The following MARCHF9 variants were observed in gnomAD, a reference collection of about 807,000 sequenced individuals.
MARCHF9 encodes the protein E3 ubiquitin-protein ligase MARCHF9.
MARCHF9 carries 17 observed loss-of-function variants against 35.2 expected under a neutral mutation model. The ratio of observed to expected loss-of-function variants is 0.48; its 90% CI spans 0.33 to 0.72. The LOEUF is 0.72. Among genes scored for constraint, MARCHF9 ranks in the 30% least tolerant of loss-of-function variants. The pLI is 0.02. For missense variants in MARCHF9, 386 were observed against 478.2 expected (o/e 0.81, Z 1.80); for synonymous variants, 183 against 207.4 (o/e 0.88, Z 1.01).
At chr12:57,756,884 CG>C in intron 1 of MARCHF9, 44 bp from the exon 2 acceptor site, 1 of 1,436,782 alleles carries the variant, frequency 7.0e-7, no homozygotes, top group Non-Finnish European at 9.2e-7. Context: ...TGAGTGGGGT[CG>C]GGGTGGTGAT....
In MARCHF9 at chr12:57,755,708, G is replaced by A. The variant is rs1955281911; in HGVS notation, c.180G>A (p.Gly60=). ...ACGGCGACGAGGAGGAGTACTACGG[G>A]TCGGAGCCGCGGGCCCGGGGCCTGG... ...DGDGDEEEYY[G]SEPRARGLAG... The change falls in exon 1 of 4, where the codon GGG becomes GGA. Residue 60 remains glycine, a synonymous_variant. Coordinates refer to ENST00000266643, the MANE Select transcript of MARCHF9 (RefSeq NM_138396.6). 1.6e-6 allele frequency: 2 copies of A among 1,237,390 alleles called. No homozygotes were observed. Among genetic ancestry groups the A allele is most frequent in the Admixed American group, 4.3e-5 (1 of 23,078 alleles). 76.7% of individuals were successfully genotyped at this position (1,237,390 alleles called of 1,614,324 possible).
Position 57,755,465 on chromosome 12 carries a change from T to TGC in MARCHF9, c.-64_-63insGC. The stretch of plus-strand genomic sequence containing the variant: ...GCGCCCCCTTCCCGGCCTTGTCCTC[T>TGC]CCCCTCCCCCCGCCGCTAGCGAGCC... On this transcript the variant is annotated 5_prime_UTR_variant, in exon 1 of 4. Coordinates refer to ENST00000266643, the MANE Select transcript of MARCHF9 (RefSeq NM_138396.6). 2 of 564,112 alleles carry TGC rather than the reference T, an allele frequency of 3.5e-6. No individual in the cohort carries two copies. Among genetic ancestry groups the TGC allele is most frequent in the Non-Finnish European group, 2.5e-6 (1 of 404,360 alleles). The allele number at this position is 564,112 out of a possible 1,614,324, so 34.9% of individuals were successfully genotyped here.
intron 2 of MARCHF9, 184 bp downstream of exon 2, chr12:57,757,268 A>C (rs1014088187): frequency 1.8e-5 from 10 of 547,772 alleles, no homozygotes; most frequent in East Asian, 1.8e-4. Context: ...AGAGATATTT[A>C]TTGGGTGCCA....
chr12:57,755,989 C>T, intron 1 of MARCHF9, 104 bp downstream of exon 1: 1 of 816,608 alleles, frequency 1.2e-6, no homozygotes, highest in South Asian at 2.6e-5. Context: ...TGGGCGGGCC[C>T]CAGGACACGG....
chr12:57,756,516 C>T (rs1187547645), intron 1 of MARCHF9, among the ~76,000 whole-genome samples: 2 of 152,020 alleles, frequency 1.3e-5, no homozygotes, highest in African/African-American at 4.8e-5. Context: ...TCCCAGTTTG[C>T]GCCAGATCTG....
chr12:57,756,195 T>C (rs1040233757), intron 1 of MARCHF9, among the ~76,000 whole-genome samples: 1 of 152,182 alleles, frequency 6.6e-6, no homozygotes, highest in African/African-American at 2.4e-5. Context: ...GGGGACCTGT[T>C]CTCTTGCAGG....
chr12:57,755,575 TG>T lies in MARCHF9; in HGVS notation c.49del (p.Val17CysfsTer2). ...ATGTTTCTGAACGAGCTGAAGCTGC[TG>T]GTGCTGACAGGCGGGGGGCGGCCCC... ...LRMFLNELKL[L>X]VLTGGGRPRA... is the part of the protein sequence containing the mutation. On this transcript the variant is annotated frameshift_variant, in exon 1 of 4. Transcript: ENST00000266643. LOFTEE classifies it high-confidence loss of function. 1 of 1,373,086 alleles carries T rather than the reference TG, an allele frequency of 7.3e-7. No individual in the cohort carries two copies. The highest frequency in any genetic ancestry group is 1.5e-5 in the South Asian group (1 of 68,458). The allele number at this position is 1,373,086 out of a possible 1,614,324, so 85.1% of individuals were successfully genotyped here.
In MARCHF9 at chr12:57,758,608, G is replaced by A. The variant is rs1159092917; in HGVS notation, c.752G>A (p.Arg251His). ...TCCTCTGTCTACCGCATCTTCAAGC[G>A]CTGGCAGGCAGTGAACCAGCAGTGG... is the stretch of plus-strand genomic sequence containing the variant. ...EGSSVYRIFK[R>H]WQAVNQQWKV... The change falls in exon 4 of 4, where the codon CGC (arginine) becomes CAC (histidine). Residue 251 changes from arginine to histidine, a missense_variant. This residue lies in a region of MARCHF9 where 219 missense variants were observed against 316.2 expected (regional missense o/e 0.69). Coordinates refer to ENST00000266643, the MANE Select transcript of MARCHF9 (RefSeq NM_138396.6). This position sits in a 1 kb window ranked among gnomAD's most constrained non-coding sequence, Gnocchi z 5.4. 5.0e-6 allele frequency: 8 copies of A among 1,613,712 alleles called. No individual in the cohort carries two copies. Among genetic ancestry groups the A allele is most frequent in the South Asian group, 2.2e-5 (2 of 91,050 alleles).
chr12:57,758,503 G>A lies in MARCHF9; in HGVS notation c.707-60G>A, dbSNP rs1451265766. 4.7e-6 allele frequency: 7 copies of A among 1,494,174 alleles called. No homozygotes were observed. Among genetic ancestry groups the A allele is most frequent in the Admixed American group, 2.2e-5 (1 of 45,010 alleles). The allele number at this position is 1,494,174 out of a possible 1,614,324, so 92.6% of individuals were successfully genotyped here. A position where few individuals can be genotyped will look rare whatever the true frequency, so the allele number is the denominator to read the frequency against. On this transcript the variant is annotated intron_variant, in intron 3 of 3. Transcript: ENST00000266643. This position sits in a 1 kb window ranked among gnomAD's most constrained non-coding sequence, Gnocchi z 5.4. ...TCACTCTGAAGAAATGCTTGCTTAAGTACCTCTGGCCTAGATCTAGGCCAC... is the reference window on the plus strand; with the variant it reads ...TCACTCTGAAGAAATGCTTGCTTAAATACCTCTGGCCTAGATCTAGGCCAC...
At position 57,758,057 on chromosome 12, in the gene MARCHF9, C is replaced by T; in HGVS notation, c.514-51C>T. On this transcript the variant is annotated intron_variant, in intron 2 of 3. Transcript: ENST00000266643. This position sits in a 1 kb window ranked among gnomAD's most constrained non-coding sequence, Gnocchi z 5.4. ...CCTGCTCTTCAGGGCCACCCATCAC[C>T]TGGCCCTCCATCCCTTTCTGGGACT... The T allele has an allele frequency of 6.3e-7, 1 of 1,599,554 alleles. No individual in the cohort carries two copies. The highest frequency in any genetic ancestry group is 1.3e-5 in the African/African-American group (1 of 74,770).
intron 1 of MARCHF9, 102 bp downstream of exon 1, chr12:57,755,987 C>A: frequency 1.2e-6 from 1 of 812,132 alleles, no homozygotes; most frequent in Non-Finnish European, 1.7e-6. Flanking sequence ...GCTGGGCGGG[C>A]CCCAGGACAC....
Position 57,758,896 on chromosome 12 carries a change from G to T in MARCHF9, c.1040G>T (p.Ter347LeuextTer9). 6.3e-7 allele frequency: 1 copy of T among 1,577,542 alleles called. No homozygotes were observed. The highest frequency in any genetic ancestry group is 1.1e-5 in the South Asian group (1 of 87,864). ...GTTGTCATGAGGGTCACTACAGTCT[G>T]AACTGGACTCCAGGAGCAGGGATCT... Reference protein sequence around the residue: ...REVVMRVTTV* With the variant: ...REVVMRVTTVL Residue 347 changes from the stop codon to leucine (L), a stop_lost, in exon 4 of 4, where the codon TGA (stop) becomes TTA (leucine). Transcript: ENST00000266643. The surrounding 1 kb of genome is among the most constrained non-coding windows in gnomAD (Gnocchi z 5.4).
rs750282098 is a variant in MARCHF9, at chr12:57,758,124, T to C, written c.530T>C (p.Leu177Pro). Residue 177 changes from leucine to proline, a missense_variant, in exon 3 of 4, where the codon CTG becomes CCG. Physicochemically the swap from Leu to Pro is moderately conservative, Grantham distance 98 (BLOSUM62 -3). Transcript: ENST00000266643. This position sits in a 1 kb window ranked among gnomAD's most constrained non-coding sequence, Gnocchi z 5.4. Reference sequence around the variant, plus strand: ...CCCACACAGTGGCAGGCCATCTCCCTGACGGTCATCGAGAAGGTCCAGATT... The same window carrying C: ...CCCACACAGTGGCAGGCCATCTCCCCGACGGTCATCGAGAAGGTCCAGATT... The part of the protein sequence containing the change: ...KNPLQWQAIS[L>P]TVIEKVQIAA... 3 of 1,614,212 alleles carry C rather than the reference T, an allele frequency of 1.9e-6. No individual in the cohort carries two copies.
chr12:57,758,303 G>A lies in MARCHF9; in HGVS notation c.706+3G>A, dbSNP rs1955299461. 1.2e-6 allele frequency: 2 copies of A among 1,604,870 alleles called. No individual in the cohort carries two copies. The highest frequency in any genetic ancestry group is 1.7e-6 in the Non-Finnish European group (2 of 1,172,662). The stretch of plus-strand genomic sequence containing the variant: ...CTTCATGGATGTCGTCTGCATAGGT[G>A]AGGGCACCTCTCTCTCCTTTACCTG... On this transcript the variant is annotated splice_donor_region_variant and intron_variant, in intron 3 of 3. Transcript: ENST00000266643. The surrounding 1 kb of genome is among the most constrained non-coding windows in gnomAD (Gnocchi z 5.4).
At chr12:57,755,991 A>ATTCCCACTCCGTGTCCTG in intron 1 of MARCHF9, 106 bp downstream of exon 1, 1 of 788,076 alleles carries the variant, frequency 1.3e-6, no homozygotes, top group African/African-American at 1.9e-5. Flanking sequence ...GGCGGGCCCC[A>ATTCCCACTCCGTGTCCTG]GGACACGGAG....
Position 57,755,502 on chromosome 12 carries a change from C to A in MARCHF9, c.-27C>A. On this transcript the variant is annotated 5_prime_UTR_variant, in exon 1 of 4. It adds an upstream start codon to the 5' untranslated region. Coordinates refer to ENST00000266643, the MANE Select transcript of MARCHF9 (RefSeq NM_138396.6). ...GCCGCTAGCGAGCCCCCCTTGCACG[C>A]TGCCCCCCGCCCCCGGTGTCCGGAC... 2.9e-6 allele frequency: 3 copies of A among 1,043,048 alleles called. No individual in the cohort carries two copies. Among genetic ancestry groups the A allele is most frequent in the Non-Finnish European group, 1.2e-6 (1 of 806,612 alleles). 64.6% of individuals were successfully genotyped at this position (1,043,048 alleles called of 1,614,324 possible).
In MARCHF9 at chr12:57,755,859, C is replaced by G. The variant is rs1317441332; in HGVS notation, c.331C>G (p.Arg111Gly). The part of the protein sequence containing the change: ...LDSGLRTPQC[R>G]ICFQGPEQGE... ...CAGCGGACTCCGAACCCCTCAGTGC[C>G]GGATCTGCTTCCAGGGCCCGGAGCA... Residue 111 changes from arginine (R) to glycine (G), a missense_variant, in exon 1 of 4, where the codon CGG becomes GGG. This residue lies in a region of MARCHF9 where 219 missense variants were observed against 316.2 expected (regional missense o/e 0.69). Transcript: ENST00000266643. 3 of 1,528,782 alleles carry G rather than the reference C, an allele frequency of 2.0e-6. No homozygotes were observed. The allele number at this position is 1,528,782 out of a possible 1,614,324, so 94.7% of individuals were successfully genotyped here. A position where few individuals can be genotyped will look rare whatever the true frequency, so the allele number is the denominator to read the frequency against.
In MARCHF9 at chr12:57,758,369, C is replaced by T. The variant is rs577640879; in HGVS notation, c.706+69C>T. 2.0e-6 allele frequency: 3 copies of T among 1,505,008 alleles called. No homozygotes were observed. The highest frequency in any genetic ancestry group is 4.0e-5 in the Admixed American group (2 of 50,560). The allele number at this position is 1,505,008 out of a possible 1,614,324, so 93.2% of individuals were successfully genotyped here. A position where few individuals can be genotyped will look rare whatever the true frequency, so the allele number is the denominator to read the frequency against. On this transcript the variant is annotated intron_variant, in intron 3 of 3. Coordinates refer to ENST00000266643, the MANE Select transcript of MARCHF9 (RefSeq NM_138396.6). This position sits in a 1 kb window ranked among gnomAD's most constrained non-coding sequence, Gnocchi z 5.4. Reference sequence around the variant, plus strand: ...TTACACACCTAACTCCCCTGCCCATCCCCTCAGTTTCCTGGCTTTATTTTC... The same window carrying T: ...TTACACACCTAACTCCCCTGCCCATTCCCTCAGTTTCCTGGCTTTATTTTC...
rs1595115373 is a variant in MARCHF9, at chr12:57,758,978, A to G, written c.*81A>G. On this transcript the variant is annotated 3_prime_UTR_variant, in exon 4 of 4. Transcript: ENST00000266643. The surrounding 1 kb of genome is among the most constrained non-coding windows in gnomAD (Gnocchi z 5.4). ...CATGGCTGCTGGAGGTACCAGCTGG[A>G]CAAGGTGTTTGGGGCATGCTGCCCC... 2.9e-6 allele frequency: 4 copies of G among 1,357,278 alleles called. No individual in the cohort carries two copies. The highest frequency in any genetic ancestry group is 2.9e-5 in the South Asian group (2 of 68,374). The allele number at this position is 1,357,278 out of a possible 1,614,324, so 84.1% of individuals were successfully genotyped here.
Sources: gnomAD v4.1 joint callset for allele counts (sites outside exome capture counted in the v4.1 genomes callset) on GRCh38, gnomAD v4.1.1 for gene constraint, gnomAD v4.1.1 regional missense constraint, Gnocchi (gnomAD v3.1) non-coding constraint, MANE v1.5 for transcripts, NCBI Gene and HGNC (gene_info 2026-07-23, HGNC 2026-07-21) for gene names.